Variants in ECT2L observed in about 807,000 individuals in gnomAD.
ECT2L encodes epithelial cell-transforming sequence 2 oncogene-like.
A neutral mutation model predicts 122.8 loss-of-function variants in ECT2L; 126 were observed. The observed-to-expected ratio is 1.03, with a 90% confidence interval of 0.89 to 1.19. The LOEUF is 1.19. Ranked by LOEUF, ECT2L falls within the 50% of genes most tolerant of loss-of-function variation. ECT2L has a pLI of 0.00. For synonymous variants in ECT2L, 385 were observed against 381.8 expected (o/e 1.01, Z -0.10); for missense variants, 1,012 against 1,064.1 (o/e 0.95, Z 0.68).
Position 138,875,481 on chromosome 6 carries a change from G to A in ECT2L, c.1579-991G>A, listed in dbSNP as rs140251269. ...CTTTGATGAGGAAGGCAGCAATAAC[G>A]ACCATTGACCATCATCATCCCTCAA... is the stretch of plus-strand genomic sequence containing the variant. On this transcript the variant is annotated intron_variant, in intron 13 of 21. Coordinates refer to ENST00000541398, the MANE Select transcript of ECT2L (RefSeq NM_001077706.3). Among the ~76,000 whole-genome samples the A allele has an allele frequency of 2.9e-3, 449 of 152,326 alleles. 1 individual carries two copies. The highest frequency in any genetic ancestry group is 4.7e-3 in the Non-Finnish European group (320 of 68,028).
At chr6:138,826,164 C>T (rs1047792843) in intron 4 of ECT2L, among the ~76,000 whole-genome samples, 1 of 152,172 alleles carries the variant, frequency 6.6e-6, no homozygotes. Flanking sequence ...CACTTAGAGG[C>T]CATGGCCTGC....
intron 1 of ECT2L, among the ~76,000 whole-genome samples, chr6:138,798,831 T>A (rs1444775449): frequency 6.6e-6 from 1 of 152,222 alleles, no homozygotes; most frequent in Non-Finnish European, 1.5e-5. Context: ...AAAACCTAAC[T>A]TAGGAGTATG....
chr6:138,902,460 T>C, intron 21 of ECT2L, 40 bp from the exon 22 acceptor site: 1 of 1,566,524 alleles, frequency 6.4e-7, no homozygotes, highest in Non-Finnish European at 8.6e-7. Context: ...TTGATTGTTA[T>C]CTGCAAAGAT....
chr6:138,822,808 C>T, intron 4 of ECT2L: 1 of 1,612,348 alleles, frequency 6.2e-7, no homozygotes, highest in Non-Finnish European at 8.5e-7. Flanking sequence ...ATGAATGGCA[C>T]TTATGACTAC....
rs1752668903 is a variant in ECT2L, at chr6:138,885,775, G to A, written c.2204G>A (p.Gly735Glu). ...ACCCCTGCAGAGCATGTTGACCGTG[G>A]GGACTTGACCACTGCAATTGACCAA... ...LHTPAEHVDR[G>E]DLTTAIDQIK... Residue 735 changes from glycine (G) to glutamate (E), a missense_variant, in exon 18 of 22, where the codon GGG becomes GAG. Coordinates refer to ENST00000541398, the MANE Select transcript of ECT2L (RefSeq NM_001077706.3). 6.2e-7 allele frequency: 1 copy of A among 1,614,022 alleles called. No homozygotes were observed. Among genetic ancestry groups the A allele is most frequent in the African/African-American group, 1.3e-5 (1 of 74,916 alleles).
At chr6:138,865,848 C>T (rs1373297780) in intron 12 of ECT2L, among the ~76,000 whole-genome samples, 1 of 152,242 alleles carries the variant, frequency 6.6e-6, no homozygotes, top group East Asian at 1.9e-4. Flanking sequence ...CTACTTTCCG[C>T]CTGACTAAAA....
intron 1 of ECT2L, among the ~76,000 whole-genome samples, chr6:138,811,743 G>A (rs1249443954): frequency 1.3e-5 from 2 of 152,104 alleles, no homozygotes; most frequent in East Asian, 1.9e-4. Context: ...GCAGTGGCGC[G>A]ATCATGGCTC....
intron 16 of ECT2L, among the ~76,000 whole-genome samples, chr6:138,884,614 G>C (rs1044181967): frequency 6.6e-6 from 1 of 151,952 alleles, no homozygotes; most frequent in Non-Finnish European, 1.5e-5. Flanking sequence ...CTCCAGCCTG[G>C]ATGACAGAGC....
intron 4 of ECT2L, among the ~76,000 whole-genome samples, chr6:138,819,728 TA>T (rs969412058): frequency 5.3e-5 from 8 of 150,904 alleles, no homozygotes; most frequent in Admixed American, 2.6e-4. Context: ...AAGTTTTAAT[TA>T]AAAAAAAATT....
chr6:138,889,535 G>A (rs996592685), intron 20 of ECT2L, among the ~76,000 whole-genome samples: 21 of 152,092 alleles, frequency 1.4e-4, no homozygotes, highest in Admixed American at 1.2e-3. Context: ...GGCCAGGTTG[G>A]TCTCAAACTC....
chr6:138,854,169 C>G lies in ECT2L; in HGVS notation c.1198+15C>G. On this transcript the variant is annotated intron_variant, in intron 10 of 21. Transcript: ENST00000541398. ...TGGAGCATCAGGTTAGCTCAGAACA[C>G]CTTATAGAGAGACAGTGGCCATGCC... The G allele has an allele frequency of 6.3e-7, 1 of 1,593,994 alleles. No homozygotes were observed. The highest frequency in any genetic ancestry group is 8.5e-7 in the Non-Finnish European group (1 of 1,170,186).
At chr6:138,855,113 A>G (rs1158346295) in intron 10 of ECT2L, among the ~76,000 whole-genome samples, 2 of 152,168 alleles carry the variant, frequency 1.3e-5, no homozygotes, top group Non-Finnish European at 2.9e-5. Context: ...GACAGGAAAA[A>G]ATAAAAAGAA....
chr6:138,876,876 T>C (rs1778470561), intron 14 of ECT2L, among the ~76,000 whole-genome samples: 1 of 152,156 alleles, frequency 6.6e-6, no homozygotes, highest in African/African-American at 2.4e-5. Context: ...AGGCTCACAG[T>C]TTCTAATTAA....
intron 21 of ECT2L, 118 bp downstream of exon 21, chr6:138,901,238 T>A (rs1779386922): frequency 9.8e-7 from 1 of 1,018,258 alleles, no homozygotes; most frequent in Non-Finnish European, 1.4e-6. Context: ...TGCAAACAAT[T>A]CCCCCAATAT....
chr6:138,853,894 G>A, intron 9 of ECT2L, 132 bp from the exon 10 acceptor site: 3 of 956,822 alleles, frequency 3.1e-6, no homozygotes, highest in Admixed American at 4.3e-5. Context: ...AGGAAGCAGA[G>A]ATGCCTCAGG....
chr6:138,822,922 AT>A (rs1583558056), intron 4 of ECT2L: 1 of 1,613,676 alleles, frequency 6.2e-7, no homozygotes, highest in Admixed American at 1.7e-5. Context: ...CTTGCAGGCA[AT>A]TCCATGGTAG....
chr6:138,826,938 T>G (rs941013195), intron 4 of ECT2L, among the ~76,000 whole-genome samples: 1 of 152,168 alleles, frequency 6.6e-6, no homozygotes, highest in Admixed American at 6.6e-5. Flanking sequence ...CCCCTTCACC[T>G]TCCACCATGA....
rs1405197814 is a variant in ECT2L at position 138,885,850 on chromosome 6, C to T, written c.2259+20C>T. ...GATCAGGTTGGTTGCTGATAAGAAT[C>T]TGTGTCCTTTAAACATGTTACAATG... On this transcript the variant is annotated intron_variant, in intron 18 of 21. Coordinates refer to ENST00000541398, the MANE Select transcript of ECT2L (RefSeq NM_001077706.3). 2 of 1,607,040 alleles carry T rather than the reference C, an allele frequency of 1.2e-6. No homozygotes were observed. The highest frequency in any genetic ancestry group is 2.7e-5 in the African/African-American group (2 of 74,602).
chr6:138,890,492 C>CTTTTTTTTTTTTTTATTTTTTTTT (rs1778980721), intron 20 of ECT2L, among the ~76,000 whole-genome samples: 1 of 78,990 alleles, frequency 1.3e-5, no homozygotes, highest in African/African-American at 5.6e-5. Context: ...TTTCTTTGAT[C>CTTTTTTTTTTTTTTATTTTTTTTT]TTTTTTTTTT....
Sources: allele counts gnomAD v4.1 joint callset (sites outside exome capture counted in the v4.1 genomes callset), GRCh38; gene constraint gnomAD v4.1.1; transcripts MANE v1.5; gene names NCBI Gene and HGNC (gene_info 2026-07-23, HGNC 2026-07-21).